THSD7B: variants seen among roughly 807,000 people sequenced by gnomAD.
THSD7B encodes thrombospondin type-1 domain-containing protein 7B.
THSD7B carries 138 observed loss-of-function variants against 213.6 expected under a neutral mutation model. The ratio of observed to expected loss-of-function variants is 0.65; its 90% CI spans 0.56 to 0.74. THSD7B has a LOEUF of 0.74. Ranked by LOEUF, THSD7B falls within the 30% of genes least tolerant of loss-of-function variation. THSD7B has a pLI of 0.00. For missense variants in THSD7B, 1,931 were observed against 1,991.5 expected (o/e 0.97, Z 0.58); for synonymous variants, 742 against 687.0 (o/e 1.08, Z -1.25).
intron 12 of THSD7B, among the ~76,000 whole-genome samples, chr2:137,397,768 A>G (rs1414367870): frequency 1.3e-5 from 2 of 151,282 alleles, no homozygotes; most frequent in Non-Finnish European, 2.9e-5. Flanking sequence ...GTGTTTTCCA[A>G]CTTGGTTCCA....
intron 7 of THSD7B, among the ~76,000 whole-genome samples, chr2:137,211,735 T>A (rs954762871): frequency 1.4e-5 from 2 of 143,540 alleles, no homozygotes; most frequent in African/African-American, 4.9e-5. Context: ...AACAGTTAAG[T>A]GTTCTACAAG....
At chr2:137,465,642 A>G (rs1224846070) in intron 15 of THSD7B, among the ~76,000 whole-genome samples, 1 of 152,194 alleles carries the variant, frequency 6.6e-6, no homozygotes, top group East Asian at 1.9e-4. Context: ...GTTCTTTCCT[A>G]CTTTGAATAC....
At chr2:136,767,496 G>A (rs1681424412) in intron 1 of THSD7B, among the ~76,000 whole-genome samples, 1 of 137,810 alleles carries the variant, frequency 7.3e-6, no homozygotes, top group African/African-American at 2.5e-5. Context: ...GTATTTGTGT[G>A]TGTGTGTTTT....
intron 12 of THSD7B, among the ~76,000 whole-genome samples, chr2:137,313,410 T>C (rs1353261908): frequency 6.7e-6 from 1 of 148,294 alleles, no homozygotes; most frequent in Non-Finnish European, 1.5e-5. Context: ...TTTCTGCACA[T>C]GAGATGGGTT....
chr2:136,869,561 G>A (rs1001271248), intron 1 of THSD7B, among the ~76,000 whole-genome samples: 1 of 152,136 alleles, frequency 6.6e-6, no homozygotes, highest in Non-Finnish European at 1.5e-5. Flanking sequence ...AACAGTCGTT[G>A]TTGAATAATA....
chr2:137,417,941 T>C (rs989634668), intron 14 of THSD7B, among the ~76,000 whole-genome samples: 7 of 152,212 alleles, frequency 4.6e-5, no homozygotes, highest in African/African-American at 1.7e-4. Context: ...CTAAATCCTT[T>C]ACACCTTTAT....
At chr2:136,905,683 C>G (rs1303954660) in intron 2 of THSD7B, among the ~76,000 whole-genome samples, 1 of 152,208 alleles carries the variant, frequency 6.6e-6, no homozygotes, top group African/African-American at 2.4e-5. Context: ...AATAGTCTAT[C>G]ACTTTTGGTT....
At chr2:137,233,239 T>G (rs970880992) in intron 9 of THSD7B, 106 bp downstream of exon 9, 1 of 1,048,090 alleles carries the variant, frequency 9.5e-7, no homozygotes, top group Middle Eastern at 2.8e-4. Context: ...TCTGATAGAG[T>G]AAGAGGGTTT....
intron 15 of THSD7B, among the ~76,000 whole-genome samples, chr2:137,495,881 C>A (rs540374749): frequency 3.3e-5 from 5 of 152,196 alleles, no homozygotes; most frequent in African/African-American, 1.2e-4. Flanking sequence ...CCAGTTCTAC[C>A]CCCCTGGCAA....
chr2:136,851,859 A>G (rs535688223), intron 1 of THSD7B, among the ~76,000 whole-genome samples: 4 of 152,120 alleles, frequency 2.6e-5, no homozygotes, highest in African/African-American at 4.8e-5. Context: ...TTGTGGGAGG[A>G]ATTTCAAAAT....
rs550881607 is a variant in THSD7B at position 137,557,742 on chromosome 2, C to T, written c.3139-5479C>T. ...AGCAGAACTGAAGGACATAGAGACA[C>T]AAAAAACCCTTCAAAAAAACAATGA... On this transcript the variant is annotated intron_variant, in intron 15 of 27. Transcript: ENST00000409968. 3.1e-3 allele frequency among the ~76,000 whole-genome samples: 475 copies of T among 152,110 alleles called. 1 individual carries two copies. The highest frequency in any genetic ancestry group is 0.011 in the African/African-American group (453 of 41,510).
At chr2:137,309,403 T>G (rs138820352) in intron 12 of THSD7B, among the ~76,000 whole-genome samples, 1 of 151,960 alleles carries the variant, frequency 6.6e-6, no homozygotes, top group East Asian at 1.9e-4. Flanking sequence ...TTTGCAAATA[T>G]GCTCCCAGTT....
chr2:137,247,903 A>G (rs1682076740), intron 10 of THSD7B, among the ~76,000 whole-genome samples: 1 of 152,140 alleles, frequency 6.6e-6, no homozygotes, highest in Non-Finnish European at 1.5e-5. Flanking sequence ...TTCCTTTCCA[A>G]AATAAGGTAA....
At chr2:137,006,219 C>T (rs1686105964) in intron 2 of THSD7B, among the ~76,000 whole-genome samples, 1 of 152,004 alleles carries the variant, frequency 6.6e-6, no homozygotes, top group Non-Finnish European at 1.5e-5. Context: ...CGGTGAAACC[C>T]CGTCTCTACT....
chr2:137,300,848 G>A (rs150007703), intron 12 of THSD7B, among the ~76,000 whole-genome samples: 8 of 152,226 alleles, frequency 5.3e-5, no homozygotes, highest in Non-Finnish European at 1.0e-4. Context: ...GAAAGAACTC[G>A]TGTAGTGACT....
intron 14 of THSD7B, among the ~76,000 whole-genome samples, chr2:137,438,627 A>T (rs1687339142): frequency 6.6e-6 from 1 of 152,070 alleles, no homozygotes; most frequent in African/African-American, 2.4e-5. Flanking sequence ...GGTTGATAAC[A>T]TTGAAGCTTA....
chr2:137,530,183 A>G (rs1343921759), intron 15 of THSD7B, among the ~76,000 whole-genome samples: 3 of 152,018 alleles, frequency 2.0e-5, no homozygotes, highest in African/African-American at 7.2e-5. Context: ...TTGACTAAGC[A>G]ATACGTAGAG....
intron 15 of THSD7B, among the ~76,000 whole-genome samples, chr2:137,455,255 A>G (rs1687741579): frequency 1.3e-5 from 2 of 152,308 alleles, no homozygotes. Context: ...CTAGTTCCAC[A>G]GAAATAAACA....
rs188456954 is a variant in THSD7B at position 137,303,398 on chromosome 2, A to G, written c.2500+27372A>G. Among the ~76,000 whole-genome samples the G allele has an allele frequency of 3.9e-4, 60 of 152,136 alleles. No homozygotes were observed. In the East Asian group the frequency reaches 0.011, roughly 28 times the overall value. Reference sequence around the variant, plus strand: ...ATATTAATAATGCAACTGTATTTTCACAATAATATGTAGAATTCTTTTTTA... The same window carrying G: ...ATATTAATAATGCAACTGTATTTTCGCAATAATATGTAGAATTCTTTTTTA... On this transcript the variant is annotated intron_variant, in intron 12 of 27. Transcript: ENST00000409968.
Sources: allele counts gnomAD v4.1 joint callset (sites outside exome capture counted in the v4.1 genomes callset), GRCh38; gene constraint gnomAD v4.1.1; transcripts MANE v1.5; gene names NCBI Gene and HGNC (gene_info 2026-07-23, HGNC 2026-07-21).